The following CACNA2D4 variants were observed in gnomAD, a reference collection of about 807,000 sequenced individuals.
CACNA2D4 encodes voltage-dependent calcium channel subunit alpha-2/delta-4.
A neutral mutation model predicts 163.8 loss-of-function variants in CACNA2D4; 157 were observed. The observed-to-expected ratio is 0.96, with a 90% CI of 0.84 to 1.09. The LOEUF (loss-of-function observed/expected upper bound fraction) is 1.09, where lower values mean the gene tolerates loss of function less well. Among genes scored for constraint, CACNA2D4 ranks in the 50% least tolerant of loss-of-function variants. CACNA2D4 has a pLI of 0.00. For synonymous variants in CACNA2D4, 598 were observed against 586.9 expected (o/e 1.02, Z -0.27); for missense variants, 1,410 against 1,479.9 (o/e 0.95, Z 0.78).
intron 18 of CACNA2D4, among the ~76,000 whole-genome samples, chr12:1,866,394 A>G (rs1865651758): frequency 6.6e-6 from 1 of 152,234 alleles, no homozygotes; most frequent in Non-Finnish European, 1.5e-5. Flanking sequence ...TGCAACATCG[A>G]AACTTTTGCT....
intron 18 of CACNA2D4, among the ~76,000 whole-genome samples, chr12:1,863,119 A>G (rs1232096247): frequency 2.0e-5 from 3 of 152,190 alleles, no homozygotes; most frequent in Non-Finnish European, 2.9e-5. Flanking sequence ...GGTATGAGCT[A>G]TGGCTCAATG....
At chr12:1,859,113 G>A (rs1336251623) in intron 19 of CACNA2D4, among the ~76,000 whole-genome samples, 7 of 152,142 alleles carry the variant, frequency 4.6e-5, no homozygotes, top group Non-Finnish European at 1.0e-4. Flanking sequence ...GCAAGTGCAT[G>A]GGCTCTACCC....
chr12:1,860,267 T>TC lies in CACNA2D4; in HGVS notation c.1879-62dup, dbSNP rs371237106. The TC allele has an allele frequency of 1.3e-3, 1,717 of 1,352,130 alleles. 20 individuals carry two copies. The African/African-American group carries it at 0.023, about 18-fold the overall frequency. The allele number at this position is 1,352,130 out of a possible 1,614,324, so 83.8% of individuals were successfully genotyped here. On this transcript the variant is annotated intron_variant, in intron 18 of 37. Transcript: ENST00000382722. ...AGAAGAGCGGCCCCCAGCCCCCACCTCGCCCCCAGGGCTCTTGGGGTCTTC... is the reference window on the plus strand; with the variant it reads ...AGAAGAGCGGCCCCCAGCCCCCACCTCCGCCCCCAGGGCTCTTGGGGTCTTC...
In CACNA2D4 at chr12:1,883,008, G is replaced by A. The variant is rs1258634702; in HGVS notation, c.1352-8C>T. 1.2e-6 allele frequency: 2 copies of A among 1,610,958 alleles called. No homozygotes were observed. The highest frequency in any genetic ancestry group is 1.7e-6 in the Non-Finnish European group (2 of 1,178,700). On this transcript the variant is annotated splice_polypyrimidine_tract_variant and splice_region_variant and intron_variant, in intron 12 of 37. Transcript: ENST00000382722. This position sits in a 1 kb window ranked among gnomAD's most constrained non-coding sequence, Gnocchi z 4.5. ...AGATCTGCGTGTAGTAGCCTGCGGTGGGGAAGGCCGCGTGGGTGTGGAAGG... is the reference window on the plus strand; with the variant it reads ...AGATCTGCGTGTAGTAGCCTGCGGTAGGGAAGGCCGCGTGGGTGTGGAAGG...
intron 13 of CACNA2D4, among the ~76,000 whole-genome samples, chr12:1,881,501 G>A (rs771943590): frequency 1.2e-4 from 19 of 152,260 alleles, no homozygotes; most frequent in Non-Finnish European, 2.4e-4. Context: ...AGGTGAGGGA[G>A]GCCCACACGG....
rs1383838548 is a variant in CACNA2D4, at chr12:1,846,630, C to T, written c.2306G>A (p.Ser769Asn). 3 of 1,604,386 alleles carry T rather than the reference C, an allele frequency of 1.9e-6. No individual in the cohort carries two copies. The highest frequency in any genetic ancestry group is 2.5e-6 in the Non-Finnish European group (3 of 1,177,522). Residue 769 changes from serine to asparagine, a missense_variant, in exon 24 of 38, where the codon AGC becomes AAC. Coordinates refer to ENST00000382722, the MANE Select transcript of CACNA2D4 (RefSeq NM_172364.5). The part of the protein sequence containing the change: ...FLGTRAGLLR[S>N]SLFVGSEKVS... ...CTTCTCGGAGCCCACGAACAAGCTG[C>T]TTCTCAGGAGGCCAGCCCGGGTGCC...
At chr12:1,910,694 A>C (rs1410493066) in intron 3 of CACNA2D4, among the ~76,000 whole-genome samples, 3 of 152,262 alleles carry the variant, frequency 2.0e-5, no homozygotes, top group Non-Finnish European at 4.4e-5. Context: ...GTGCTGATGC[A>C]TGGAACAACA....
intron 16 of CACNA2D4, among the ~76,000 whole-genome samples, chr12:1,877,444 G>A (rs1865905870): frequency 6.6e-6 from 1 of 152,190 alleles, no homozygotes; most frequent in Admixed American, 6.5e-5. Flanking sequence ...TGAACAGAGT[G>A]GCTTCCAGTG....
Position 1,844,291 on chromosome 12 carries a change from G to T in CACNA2D4, c.2470+111C>A, listed in dbSNP as rs1865093637. On this transcript the variant is annotated intron_variant, in intron 25 of 37. Transcript: ENST00000382722. The surrounding 1 kb of genome is among the most constrained non-coding windows in gnomAD (Gnocchi z 4.2). ...GGCAGGAGGGGAACCCTGGTGGTCT[G>T]GACATTCTATTCCATATCTCGTTCC... is the stretch of plus-strand genomic sequence containing the variant. 7.6e-7 allele frequency: 1 copy of T among 1,320,898 alleles called. No homozygotes were observed. The highest frequency in any genetic ancestry group is 1.0e-6 in the Non-Finnish European group (1 of 963,478). The allele number at this position is 1,320,898 out of a possible 1,614,324, so 81.8% of individuals were successfully genotyped here.
intron 18 of CACNA2D4, among the ~76,000 whole-genome samples, chr12:1,865,624 C>T (rs1283509514): frequency 1.3e-5 from 2 of 152,218 alleles, no homozygotes; most frequent in South Asian, 2.1e-4. Flanking sequence ...TTTTTCACCG[C>T]ATCCGCTGCG....
At chr12:1,823,104 G>C (rs1292965252) in intron 26 of CACNA2D4, 4 of 152,430 alleles carry the variant, frequency 2.6e-5, no homozygotes, top group Admixed American at 2.6e-4. Context: ...TCTTGACCAA[G>C]GGGAGATGCC....
chr12:1,883,138 C>T lies in CACNA2D4; in HGVS notation c.1352-138G>A, dbSNP rs2154449647. ...AACTGGACCGGGGCACAGGGAGCTG[C>T]TTCCCCACAGTTGTGTCCTTTACCC... On this transcript the variant is annotated intron_variant, in intron 12 of 37. Coordinates refer to ENST00000382722, the MANE Select transcript of CACNA2D4 (RefSeq NM_172364.5). This position sits in a 1 kb window ranked among gnomAD's most constrained non-coding sequence, Gnocchi z 4.5. 2.0e-6 allele frequency: 2 copies of T among 1,014,288 alleles called. No individual in the cohort carries two copies. Among genetic ancestry groups the T allele is most frequent in the Non-Finnish European group, 2.8e-6 (2 of 701,796 alleles). The allele number at this position is 1,014,288 out of a possible 1,614,324, so 62.8% of individuals were successfully genotyped here.
intron 6 of CACNA2D4, among the ~76,000 whole-genome samples, chr12:1,899,983 G>A (rs1866498714): frequency 6.6e-6 from 1 of 152,016 alleles, no homozygotes; most frequent in Admixed American, 6.6e-5. Context: ...AAATTCAATA[G>A]TTAAGTAGGC....
intron 29 of CACNA2D4, chr12:1,809,595 C>T: frequency 2.9e-6 from 2 of 699,728 alleles, no homozygotes; most frequent in Non-Finnish European, 5.2e-6. Flanking sequence ...TTTGAGGCCC[C>T]TTTTGGAGCC....
At chr12:1,826,412 C>CT (rs1555177864) in intron 26 of CACNA2D4, among the ~76,000 whole-genome samples, 2 of 41,720 alleles carry the variant, frequency 4.8e-5, no homozygotes, top group Admixed American at 3.8e-4. Flanking sequence ...CCCCCCCCCC[C>CT]CCCCGCCAAC....
At chr12:1,885,699 A>G (rs78575336) in intron 9 of CACNA2D4, among the ~76,000 whole-genome samples, 1,984 of 152,312 alleles carry the variant, frequency 0.013, 37 homozygotes, top group African/African-American at 0.046. Context: ...TGAGTCCTAT[A>G]TAATCCACAG....
intron 29 of CACNA2D4, chr12:1,809,693 C>T (rs1863642887): frequency 6.4e-6 from 4 of 628,494 alleles, no homozygotes; most frequent in Admixed American, 2.7e-5. Context: ...CCAGCGGGGG[C>T]GGGGGGAGGA....
Position 1,834,398 on chromosome 12 carries a change from A to G in CACNA2D4, c.2551+6341T>C. The G allele has an allele frequency of 6.2e-7, 1 of 1,613,068 alleles. No individual in the cohort carries two copies. On this transcript the variant is annotated intron_variant, in intron 26 of 37. Coordinates refer to ENST00000382722, the MANE Select transcript of CACNA2D4 (RefSeq NM_172364.5). The surrounding 1 kb of genome is among the most constrained non-coding windows in gnomAD (Gnocchi z 7.6). Reference sequence around the variant, plus strand: ...CGAGAATAGCTCAGCTGGGCTGGATATTCCTGGGCCACCCTGCACCAAGGC... The same window carrying G: ...CGAGAATAGCTCAGCTGGGCTGGATGTTCCTGGGCCACCCTGCACCAAGGC...
At position 1,918,254 on chromosome 12, in the gene CACNA2D4, G is replaced by C. The variant is rs1867042356; in HGVS notation, c.220C>G (p.Leu74Val). The C allele has an allele frequency of 1.2e-6, 2 of 1,602,918 alleles. No homozygotes were observed. Among genetic ancestry groups the C allele is most frequent in the Non-Finnish European group, 1.7e-6 (2 of 1,175,210 alleles). ...GTTGAACGTGATGCTTACGTTTCCA[G>C]AGGAATCTTGGCCTGTCCCCACGCA... ...SPAWGQAKIP[L>V]ETVKLWADTF... Residue 74 changes from leucine to valine, a missense_variant, in exon 1 of 38, where the codon CTG becomes GTG. Leu to Val is a conservative substitution (Grantham distance 32). Coordinates refer to ENST00000382722, the MANE Select transcript of CACNA2D4 (RefSeq NM_172364.5).
Sources: gnomAD v4.1 joint callset for allele counts (sites outside exome capture counted in the v4.1 genomes callset) on GRCh38, gnomAD v4.1.1 for gene constraint, Gnocchi (gnomAD v3.1) non-coding constraint, MANE v1.5 for transcripts, NCBI Gene and HGNC (gene_info 2026-07-23, HGNC 2026-07-21) for gene names.